Variants in LGR5 observed in about 807,000 individuals in gnomAD.
LGR5 encodes leucine-rich repeat-containing G protein-coupled receptor 5.
LGR5 carries 54 observed loss-of-function variants against 76.7 expected under a neutral mutation model. The ratio of observed to expected loss-of-function variants is 0.70; its 90% confidence interval spans 0.57 to 0.88. LGR5 has a LOEUF of 0.88. Among genes scored for constraint, LGR5 ranks in the 40% least tolerant of loss-of-function variants. The pLI is 0.00. For synonymous variants in LGR5, 406 were observed against 421.9 expected, an observed-to-expected ratio of 0.96 and a Z score of 0.46; for missense variants, 1,078 against 1,073.3, an observed-to-expected ratio of 1.00 and a Z score of -0.06.
chr12:71,580,195 A>G, intron 15 of LGR5, 83 bp from the exon 16 acceptor site: 1 of 1,308,060 alleles, frequency 7.6e-7, no homozygotes, highest in Non-Finnish European at 1.1e-6. Context: ...CAAAGGTAGA[A>G]TAATTGGGTG....
chr12:71,552,514 G>A (rs1877540579), intron 4 of LGR5, among the ~76,000 whole-genome samples: 1 of 150,654 alleles, frequency 6.6e-6, no homozygotes, highest in Non-Finnish European at 1.5e-5. Context: ...GCAGTGAGCC[G>A]AGATCGCGCC....
intron 2 of LGR5, among the ~76,000 whole-genome samples, chr12:71,505,160 T>A (rs1874793243): frequency 6.6e-6 from 1 of 152,172 alleles, no homozygotes; most frequent in African/African-American, 2.4e-5. Flanking sequence ...AATTACTATT[T>A]CCCTACTTTT....
At chr12:71,500,015 C>T (rs1391191514) in intron 1 of LGR5, among the ~76,000 whole-genome samples, 2 of 152,064 alleles carry the variant, frequency 1.3e-5, no homozygotes, top group Non-Finnish European at 2.9e-5. Context: ...CGGAAGCGAA[C>T]TCTGTAGTAC....
chr12:71,487,115 T>C (rs1237553530), intron 1 of LGR5, among the ~76,000 whole-genome samples: 2 of 152,200 alleles, frequency 1.3e-5, no homozygotes, highest in African/African-American at 2.4e-5. Flanking sequence ...GGGGATCCCA[T>C]GACTCACCAG....
chr12:71,559,634 A>G lies in LGR5; in HGVS notation c.765A>G (p.Thr255=). ...NLDEFPTAIR[T]LSNLKELGFH... is the part of the protein sequence containing the mutation. ...ATGAATTCCCCACTGCAATTAGGAC[A>G]CTCTCCAACCTTAAAGAACTGTAAG... The change falls in exon 7 of 18, where the codon ACA becomes ACG. Residue 255 remains threonine, a synonymous_variant. Transcript: ENST00000266674. 1 of 1,561,636 alleles carries G rather than the reference A, an allele frequency of 6.4e-7. No homozygotes were observed. Among genetic ancestry groups the G allele is most frequent in the Non-Finnish European group, 8.8e-7 (1 of 1,132,920 alleles).
intron 3 of LGR5, among the ~76,000 whole-genome samples, chr12:71,524,701 T>G (rs1875899612): frequency 6.6e-6 from 1 of 152,182 alleles, no homozygotes; most frequent in Admixed American, 6.5e-5. Context: ...TATCTAAAAT[T>G]TTTGCCTTTA....
chr12:71,530,791 T>C (rs1252756746), intron 3 of LGR5, among the ~76,000 whole-genome samples: 1 of 151,992 alleles, frequency 6.6e-6, no homozygotes, highest in African/African-American at 2.4e-5. Context: ...AAACTAACCA[T>C]AGAAAAGTCA....
chr12:71,507,231 G>A (rs906646683), intron 2 of LGR5, among the ~76,000 whole-genome samples: 1 of 152,062 alleles, frequency 6.6e-6, no homozygotes, highest in African/African-American at 2.4e-5. Flanking sequence ...TCAAACCTAG[G>A]TCAAAGCTAA....
chr12:71,550,485 G>A (rs1393487666), intron 4 of LGR5, among the ~76,000 whole-genome samples: 1 of 117,814 alleles, frequency 8.5e-6, no homozygotes, highest in African/African-American at 3.3e-5. Flanking sequence ...TTTTAAGACA[G>A]AGTCTCACTC....
At chr12:71,448,202 A>T (rs1019561590) in intron 1 of LGR5, among the ~76,000 whole-genome samples, 1 of 152,144 alleles carries the variant, frequency 6.6e-6, no homozygotes, top group African/African-American at 2.4e-5. Context: ...TCACTGAAAC[A>T]CTGGTAAATA....
intron 1 of LGR5, among the ~76,000 whole-genome samples, chr12:71,469,785 A>C (rs1466324929): frequency 2.6e-5 from 4 of 152,186 alleles, no homozygotes; most frequent in Non-Finnish European, 5.9e-5. Context: ...GAAGGAAGGA[A>C]GGGTTTTTAC....
chr12:71,567,152 G>T (rs1297111809), intron 11 of LGR5: 6 of 494,088 alleles, frequency 1.2e-5, no homozygotes, highest in African/African-American at 3.9e-5. Context: ...ACTTTCAGTT[G>T]GCACATGTTT....
chr12:71,445,716 G>A (rs1242737981), intron 1 of LGR5, among the ~76,000 whole-genome samples: 1 of 142,900 alleles, frequency 7.0e-6, no homozygotes, highest in Non-Finnish European at 1.5e-5. Context: ...GGAGAAAAAC[G>A]TTAGTCATTT....
chr12:71,572,932 C>A lies in LGR5; in HGVS notation c.1208+11C>A. 1 of 1,600,916 alleles carries A rather than the reference C, an allele frequency of 6.2e-7. No homozygotes were observed. Among genetic ancestry groups the A allele is most frequent in the Non-Finnish European group, 8.6e-7 (1 of 1,167,986 alleles). ...TAGCCTCCGATCGCTGTGAGTATCA[C>A]CTCCCAGTGCGTTCCCCAGCACAGA... On this transcript the variant is annotated intron_variant, in intron 13 of 17. Transcript: ENST00000266674.
At position 71,561,800 on chromosome 12, in the gene LGR5, A is replaced by G; in HGVS notation, c.805A>G (p.Ile269Val). The change falls in exon 8 of 18, where the codon ATC becomes GTC. Residue 269 changes from isoleucine (I) to valine (V), a missense_variant. By Grantham distance (29) the Ile-to-Val change is conservative. Coordinates refer to ENST00000266674, the MANE Select transcript of LGR5 (RefSeq NM_003667.4). Reference sequence around the variant, plus strand: ...TTCTAGAGGATTTCATAGCAACAATATCAGGTCGATACCTGAGAAAGCATT... The same window carrying G: ...TTCTAGAGGATTTCATAGCAACAATGTCAGGTCGATACCTGAGAAAGCATT... ...LKELGFHSNN[I>V]RSIPEKAFVG... The G allele has an allele frequency of 1.2e-6, 2 of 1,602,502 alleles. No homozygotes were observed. The highest frequency in any genetic ancestry group is 1.7e-6 in the Non-Finnish European group (2 of 1,172,010).
intron 1 of LGR5, among the ~76,000 whole-genome samples, chr12:71,480,339 T>A (rs1032592801): frequency 2.9e-5 from 4 of 138,266 alleles, no homozygotes; most frequent in Non-Finnish European, 6.1e-5. Flanking sequence ...CCAGCCTAGA[T>A]GACAGAATGA....
chr12:71,579,233 C>T (rs1878991079), intron 15 of LGR5, among the ~76,000 whole-genome samples: 1 of 152,154 alleles, frequency 6.6e-6, no homozygotes, highest in Non-Finnish European at 1.5e-5. Flanking sequence ...AATTAAATAA[C>T]ATTATAACAT....
intron 4 of LGR5, among the ~76,000 whole-genome samples, chr12:71,546,760 T>C (rs997846559): frequency 1.3e-5 from 2 of 152,186 alleles, no homozygotes; most frequent in Non-Finnish European, 2.9e-5. Context: ...TCAGAAAGCC[T>C]ACAACACCCC....
At chr12:71,575,079 G>A (rs1878790277) in intron 13 of LGR5, among the ~76,000 whole-genome samples, 1 of 152,136 alleles carries the variant, frequency 6.6e-6, no homozygotes, top group African/African-American at 2.4e-5. Flanking sequence ...TTGAATTGCA[G>A]CGCCTGAGAT....
Sources: allele counts gnomAD v4.1 joint callset (sites outside exome capture counted in the v4.1 genomes callset), GRCh38; gene constraint gnomAD v4.1.1; transcripts MANE v1.5; gene names NCBI Gene and HGNC (gene_info 2026-07-23, HGNC 2026-07-21).